The following SYN3 variants were observed in gnomAD, a reference collection of about 807,000 sequenced individuals.
The protein encoded by SYN3 is synapsin III.
In SYN3, 35 loss-of-function variants were observed where a neutral mutation model predicts 65.8. That is an observed-to-expected ratio of 0.53 (90% CI 0.41 to 0.70). The LOEUF (loss-of-function observed/expected upper bound fraction) is 0.70. SYN3 is among the 30% of genes least tolerant of loss of function. The pLI, the probability that SYN3 is intolerant of heterozygous loss-of-function variation, is 0.00. For synonymous variants in SYN3, 270 were observed against 292.9 expected (o/e 0.92, Z 0.80); for missense variants, 680 against 749.0 (o/e 0.91, Z 1.08).
rs1035551566 is a variant in SYN3, at chr22:32,639,822, C to A, written c.712-43086G>T. Among the ~76,000 whole-genome samples the A allele has an allele frequency of 2.6e-5, 4 of 152,324 alleles. No homozygotes were observed. The South Asian group carries it at 8.3e-4, about 32-fold the overall frequency. On this transcript the variant is annotated intron_variant, in intron 6 of 13. Coordinates refer to ENST00000358763, the MANE Select transcript of SYN3 (RefSeq NM_003490.4). ...TTGGCCTCCCAAAGTGCCTGGATTACAGGTGTGAGCCACCATGTCCCTTTT... is the reference window on the plus strand; with the variant it reads ...TTGGCCTCCCAAAGTGCCTGGATTAAAGGTGTGAGCCACCATGTCCCTTTT...
At chr22:33,043,982 G>A (rs2054012279) in intron 1 of SYN3, among the ~76,000 whole-genome samples, 1 of 152,046 alleles carries the variant, frequency 6.6e-6, no homozygotes, top group African/African-American at 2.4e-5. Context: ...CAACCTGGGG[G>A]GCAGAGGTTG....
intron 6 of SYN3, among the ~76,000 whole-genome samples, chr22:32,599,043 G>A (rs1433403520): frequency 6.6e-6 from 1 of 151,904 alleles, no homozygotes; most frequent in African/African-American, 2.4e-5. Context: ...TAACAGTTTT[G>A]GTTTATTATC....
intron 1 of SYN3, among the ~76,000 whole-genome samples, chr22:33,041,491 GT>G (rs2053964347): frequency 6.6e-6 from 1 of 151,172 alleles, no homozygotes; most frequent in African/African-American, 2.4e-5. Flanking sequence ...TAGAGATGGG[GT>G]TTCACCGTGT....
At chr22:32,541,403 C>A (rs991445829) in intron 8 of SYN3, among the ~76,000 whole-genome samples, 168 bp downstream of exon 8, 1 of 152,172 alleles carries the variant, frequency 6.6e-6, no homozygotes, top group Admixed American at 6.5e-5. Context: ...CAGGGATAAG[C>A]AGTGACTGGA....
chr22:32,906,586 C>T (rs2049908547), intron 4 of SYN3, among the ~76,000 whole-genome samples: 1 of 152,032 alleles, frequency 6.6e-6, no homozygotes, highest in African/African-American at 2.4e-5. Context: ...GTTTGCTGCA[C>T]CTATCAACCC....
intron 3 of SYN3, among the ~76,000 whole-genome samples, chr22:32,956,236 A>C (rs1010344537): frequency 1.3e-5 from 2 of 149,360 alleles, no homozygotes; most frequent in Non-Finnish European, 3.0e-5. Flanking sequence ...GCTCACTGCA[A>C]CCTCCACCTC....
At position 32,840,005 on chromosome 22, in the gene SYN3, C is replaced by T. The variant is rs568220913; in HGVS notation, c.711+24910G>A. Among the ~76,000 whole-genome samples, 5 of 152,158 alleles carry T rather than the reference C, an allele frequency of 3.3e-5. No individual in the cohort carries two copies. The South Asian group carries it at 6.2e-4, about 19-fold the overall frequency. ...CACAAAGGCCCCTCCTCCCCTTCCC[C>T]GGGAGGTCCAGGACAGGGCATCCCC... On this transcript the variant is annotated intron_variant, in intron 6 of 13. Transcript: ENST00000358763.
chr22:32,538,465 A>G (rs1015182609), intron 8 of SYN3, among the ~76,000 whole-genome samples: 3 of 152,132 alleles, frequency 2.0e-5, no homozygotes, highest in African/African-American at 7.2e-5. Flanking sequence ...GAATCTTTTG[A>G]GGGCCCCAAA....
At chr22:33,006,301 C>G (rs1313746249) in intron 2 of SYN3, 51 bp downstream of exon 2, 3 of 1,526,018 alleles carry the variant, frequency 2.0e-6, no homozygotes, top group Non-Finnish European at 2.7e-6. Flanking sequence ...GAGATAATCC[C>G]CACTCCTCTC....
At chr22:32,923,071 C>T (rs1429434991) in intron 4 of SYN3, among the ~76,000 whole-genome samples, 1 of 152,106 alleles carries the variant, frequency 6.6e-6, no homozygotes, top group Non-Finnish European at 1.5e-5. Flanking sequence ...AGCTGGAGAA[C>T]CAGGAAAGCT....
intron 1 of SYN3, among the ~76,000 whole-genome samples, chr22:33,012,229 TTTAAA>T (rs2053367776): frequency 6.6e-6 from 1 of 152,232 alleles, no homozygotes; most frequent in Non-Finnish European, 1.5e-5. Flanking sequence ...TATCATTCAT[TTTAAA>T]TTATTCTGTT....
At position 32,872,311 on chromosome 22, in the gene SYN3, A is replaced by T. The variant is rs142591773; in HGVS notation, c.462-3186T>A. Reference sequence around the variant, plus strand: ...TATGAACACATGAATAAATGAATGAACATGATGTGAAATGGCCACTGGAAA... The same window carrying T: ...TATGAACACATGAATAAATGAATGATCATGATGTGAAATGGCCACTGGAAA... On this transcript the variant is annotated intron_variant, in intron 4 of 13. Coordinates refer to ENST00000358763, the MANE Select transcript of SYN3 (RefSeq NM_003490.4). Among the ~76,000 whole-genome samples the T allele has an allele frequency of 4.9e-3, 744 of 152,334 alleles. 5 individuals are homozygous for T. Among genetic ancestry groups the T allele is most frequent in the African/African-American group, 0.016 (650 of 41,574 alleles).
intron 6 of SYN3, among the ~76,000 whole-genome samples, chr22:32,638,509 C>G (rs986280138): frequency 1.3e-5 from 2 of 152,030 alleles, no homozygotes; most frequent in Middle Eastern, 3.2e-3. Context: ...CCATTCTGAC[C>G]GATGTGAGAT....
chr22:32,788,193 G>A (rs2046239324), intron 6 of SYN3, among the ~76,000 whole-genome samples: 1 of 151,980 alleles, frequency 6.6e-6, no homozygotes, highest in Non-Finnish European at 1.5e-5. Context: ...ACCGTGGATG[G>A]AAAACATTTG....
chr22:32,672,326 A>T (rs1186695004), intron 6 of SYN3, among the ~76,000 whole-genome samples: 1 of 152,110 alleles, frequency 6.6e-6, no homozygotes, highest in Non-Finnish European at 1.5e-5. Flanking sequence ...ATCTGGCAAA[A>T]AATAAAATAA....
At chr22:32,583,036 G>A (rs1601690322) in intron 7 of SYN3, among the ~76,000 whole-genome samples, 1 of 152,260 alleles carries the variant, frequency 6.6e-6, no homozygotes, top group African/African-American at 2.4e-5. Flanking sequence ...CAGAGCTATT[G>A]GTATGGAGGT....
chr22:32,871,307 C>T (rs1272487811), intron 4 of SYN3, among the ~76,000 whole-genome samples: 2 of 152,194 alleles, frequency 1.3e-5, no homozygotes, highest in African/African-American at 2.4e-5. Context: ...TTGGGATCCC[C>T]GACTCTGGCT....
intron 4 of SYN3, among the ~76,000 whole-genome samples, chr22:32,912,713 C>T (rs1386777934): frequency 7.1e-6 from 1 of 140,320 alleles, no homozygotes; most frequent in African/African-American, 2.5e-5. Context: ...ACAGCAAGAC[C>T]TTTTCTCTAA....
At chr22:32,855,726 C>T (rs907172216) in intron 6 of SYN3, among the ~76,000 whole-genome samples, 1 of 152,122 alleles carries the variant, frequency 6.6e-6, no homozygotes, top group Non-Finnish European at 1.5e-5. Context: ...TAGCAACCTC[C>T]CTACCCTCTA....
Sources: gnomAD v4.1 joint callset for allele counts (sites outside exome capture counted in the v4.1 genomes callset) on GRCh38, gnomAD v4.1.1 for gene constraint, MANE v1.5 for transcripts, NCBI Gene and HGNC (gene_info 2026-07-23, HGNC 2026-07-21) for gene names.